Variants in HDAC4 observed in about 807,000 individuals in gnomAD.
The protein encoded by HDAC4 is histone deacetylase 4.
A neutral mutation model predicts 135.1 loss-of-function variants in HDAC4; 16 were observed. The ratio of observed to expected loss-of-function variants is 0.12; its 90% CI spans 0.08 to 0.18. The LOEUF (loss-of-function observed/expected upper bound fraction) is 0.18. Ranked by LOEUF, HDAC4 falls within the 10% of genes least tolerant of loss-of-function variation. The probability of loss-of-function intolerance (pLI) is 1.00; values close to 1 mark genes in which losing one functional copy is unlikely to be tolerated. For missense variants in HDAC4, 1,143 were observed against 1,511.8 expected (o/e 0.76, Z 4.05); for synonymous variants, 685 against 653.4 (o/e 1.05, Z -0.74).
At chr2:239,300,601 A>T (rs1352951095) in intron 2 of HDAC4, among the ~76,000 whole-genome samples, 2 of 152,074 alleles carry the variant, frequency 1.3e-5, no homozygotes, top group Admixed American at 1.3e-4. Context: ...AAAAATTCCC[A>T]ACTGAACTTG....
intron 19 of HDAC4, 26 bp downstream of exon 19, chr2:239,087,532 CT>C: frequency 6.2e-7 from 1 of 1,608,740 alleles, no homozygotes; most frequent in Non-Finnish European, 8.5e-7. Flanking sequence ...GGTTCCCCTG[CT>C]GTGCGGGGCT....
intron 2 of HDAC4, among the ~76,000 whole-genome samples, chr2:239,323,054 TAACAA>T (rs2053366160): frequency 6.6e-6 from 1 of 152,162 alleles, no homozygotes; most frequent in Admixed American, 6.5e-5. Flanking sequence ...GACTTTATCC[TAACAA>T]AACAATCATG....
At chr2:239,055,269 G>A (rs948610800) in intron 24 of HDAC4, 6 of 252,926 alleles carry the variant, frequency 2.4e-5, no homozygotes, top group African/African-American at 4.6e-5. Context: ...AGGTGGGGTC[G>A]GGGGAGATGA....
At position 239,240,856 on chromosome 2, in the gene HDAC4, G is replaced by A. The variant is rs767294596; in HGVS notation, c.23-4192C>T. Reference sequence around the variant, plus strand: ...AACTGAGCATTGTTTGAGACTCGGAGTCCGCCCATGGGAGGAACAGGACTA... The same window carrying A: ...AACTGAGCATTGTTTGAGACTCGGAATCCGCCCATGGGAGGAACAGGACTA... On this transcript the variant is annotated intron_variant, in intron 2 of 26. Transcript: ENST00000543185. This position sits in a 1 kb window ranked among gnomAD's most constrained non-coding sequence, Gnocchi z 4.5. 2.0e-5 allele frequency among the ~76,000 whole-genome samples: 3 copies of A among 152,236 alleles called. No homozygotes were observed. Among genetic ancestry groups the A allele is most frequent in the Non-Finnish European group, 2.9e-5 (2 of 68,046 alleles).
intron 1 of HDAC4, among the ~76,000 whole-genome samples, chr2:239,379,011 T>C (rs1018253037): frequency 6.6e-6 from 1 of 152,150 alleles, no homozygotes; most frequent in African/African-American, 2.4e-5. Flanking sequence ...GAATCTTCAG[T>C]GTCAGCCGCA....
Position 239,341,913 on chromosome 2 carries a change from A to G in HDAC4, c.22+10765T>C, listed in dbSNP as rs371180965. Among the ~76,000 whole-genome samples the G allele has an allele frequency of 1.1e-4, 16 of 152,308 alleles. No homozygotes were observed. The East Asian group carries it at 2.9e-3, about 28-fold the overall frequency. On this transcript the variant is annotated intron_variant, in intron 2 of 26. Coordinates refer to ENST00000543185, the MANE Select transcript of HDAC4 (RefSeq NM_001378414.1). ...GAGAGTGATTAAGTTATGGACTCTC[A>G]GGAACAGGATTAGTGCCCTTATTAT...
intron 2 of HDAC4, among the ~76,000 whole-genome samples, chr2:239,238,564 C>T (rs1013999786): frequency 6.6e-6 from 1 of 152,160 alleles, no homozygotes; most frequent in African/African-American, 2.4e-5. Flanking sequence ...AGCCCTAGAA[C>T]CAGAAAGTTT....
chr2:239,392,062 C>T (rs1696257131), intron 1 of HDAC4, among the ~76,000 whole-genome samples: 2 of 152,230 alleles, frequency 1.3e-5, no homozygotes, highest in South Asian at 2.1e-4. Context: ...GATGCTCCCA[C>T]ACCAGGCCCC....
chr2:239,084,964 C>T lies in HDAC4; in HGVS notation c.2445-722G>A, dbSNP rs193264371. On this transcript the variant is annotated intron_variant, in intron 19 of 26. Coordinates refer to ENST00000543185, the MANE Select transcript of HDAC4 (RefSeq NM_001378414.1). ...CTCACACACACACAAACCACAGACA[C>T]ATACAAGCACACACACACATATACA... is the stretch of plus-strand genomic sequence containing the variant. Among the ~76,000 whole-genome samples the T allele has an allele frequency of 3.0e-3, 442 of 149,248 alleles. 4 individuals are homozygous for T. In the Middle Eastern group the frequency reaches 0.052, roughly 18 times the overall value.
chr2:239,319,744 G>A (rs1158812546), intron 2 of HDAC4, among the ~76,000 whole-genome samples: 4 of 152,218 alleles, frequency 2.6e-5, no homozygotes, highest in Non-Finnish European at 5.9e-5. Context: ...GTCACCGACA[G>A]CTACAGGCAG....
At chr2:239,177,357 G>A (rs117034743) in intron 4 of HDAC4, among the ~76,000 whole-genome samples, 31 of 152,294 alleles carry the variant, frequency 2.0e-4, no homozygotes, top group African/African-American at 5.5e-4. Context: ...CTGATCCTCC[G>A]CTGGCTCAAT....
intron 2 of HDAC4, among the ~76,000 whole-genome samples, chr2:239,351,397 T>C (rs1055337484): frequency 6.6e-5 from 10 of 152,172 alleles, no homozygotes; most frequent in Non-Finnish European, 1.3e-4. Context: ...TATAGAATTA[T>C]ACTCTATGAA....
rs369873600 is a variant in HDAC4 at position 239,385,619 on chromosome 2, C to T, written c.-220+15359G>A. Among the ~76,000 whole-genome samples, 3 of 152,232 alleles carry T rather than the reference C, an allele frequency of 2.0e-5. 1 individual carries two copies. The highest frequency in any genetic ancestry group is 6.3e-3 in the Middle Eastern group (2 of 316). ...AGCACAGCCTACCAGTGGGCAAAGCCGGCCTGTGATAAGGAACACGCACAC... is the reference window on the plus strand; with the variant it reads ...AGCACAGCCTACCAGTGGGCAAAGCTGGCCTGTGATAAGGAACACGCACAC... On this transcript the variant is annotated intron_variant, in intron 1 of 26. Transcript: ENST00000543185.
chr2:239,322,921 C>A (rs779243676), intron 2 of HDAC4, among the ~76,000 whole-genome samples: 2 of 152,126 alleles, frequency 1.3e-5, no homozygotes, highest in Non-Finnish European at 2.9e-5. Flanking sequence ...ACAAACCCAG[C>A]GCTGCTGCGG....
chr2:239,110,395 C>A (rs2038563021), intron 14 of HDAC4, among the ~76,000 whole-genome samples: 1 of 152,236 alleles, frequency 6.6e-6, no homozygotes, highest in African/African-American at 2.4e-5. Flanking sequence ...TGGGAGGATT[C>A]TCCTTGGTGG....
chr2:239,065,578 CCT>C (rs1378735801), intron 24 of HDAC4, among the ~76,000 whole-genome samples: 3 of 152,198 alleles, frequency 2.0e-5, no homozygotes, highest in South Asian at 2.1e-4. Flanking sequence ...ACTAAAGTGC[CCT>C]GTCACCCCGA....
chr2:239,089,262 G>C (rs1255466185), intron 18 of HDAC4, among the ~76,000 whole-genome samples: 1 of 152,216 alleles, frequency 6.6e-6, no homozygotes, highest in Non-Finnish European at 1.5e-5. Context: ...ACGCCGGGCA[G>C]GTGTGAGAAC....
chr2:239,177,457 CAGA>C (rs2043847225), intron 4 of HDAC4, among the ~76,000 whole-genome samples: 1 of 152,130 alleles, frequency 6.6e-6, no homozygotes, highest in Admixed American at 6.5e-5. Context: ...GGATGAAAAT[CAGA>C]AGAAGGCTGC....
intron 16 of HDAC4, among the ~76,000 whole-genome samples, chr2:239,102,182 T>C (rs2037731815): frequency 6.6e-6 from 1 of 152,214 alleles, no homozygotes. Context: ...GTCTGGGTTC[T>C]GTGGCCTGGG....
Sources: allele counts gnomAD v4.1 joint callset (sites outside exome capture counted in the v4.1 genomes callset), GRCh38; gene constraint gnomAD v4.1.1; non-coding constraint Gnocchi (gnomAD v3.1); transcripts MANE v1.5; gene names NCBI Gene and HGNC (gene_info 2026-07-23, HGNC 2026-07-21).